Variants in RAB38 observed in about 807,000 individuals in gnomAD.
RAB38 encodes ras-related protein Rab-38.
Under a neutral mutation model 18.4 loss-of-function variants are expected in RAB38, and 15 were observed. The ratio of observed to expected loss-of-function variants is 0.82; its 90% CI spans 0.55 to 1.26. The LOEUF is 1.26. Among genes scored for constraint, RAB38 ranks in the 50% most tolerant of loss-of-function variants. RAB38 has a pLI of 0.00. For missense variants in RAB38, 294 were observed against 267.4 expected (o/e 1.10, Z -0.69); for synonymous variants, 101 against 104.4 (o/e 0.97, Z 0.20).
chr11:88,130,498 G>C (rs1026949622), intron 2 of RAB38, among the ~76,000 whole-genome samples: 1 of 152,214 alleles, frequency 6.6e-6, no homozygotes, highest in African/African-American at 2.4e-5. Flanking sequence ...TTAGCAGACT[G>C]TGGACACAGA....
chr11:87,950,011 A>C, the RAB38 span, among the ~76,000 whole-genome samples: 1 of 152,026 alleles, frequency 6.6e-6, no homozygotes, highest in Non-Finnish European at 1.5e-5. Context: ...CCCATTATTA[A>C]TGTGTGGGAG....
the RAB38 span, among the ~76,000 whole-genome samples, chr11:87,895,192 G>A: frequency 1.3e-5 from 2 of 150,386 alleles, no homozygotes; most frequent in African/African-American, 4.9e-5. Flanking sequence ...TGGCTGATGA[G>A]GGTGTTTGCT....
chr11:88,162,616 A>T (rs1238467850), intron 1 of RAB38, among the ~76,000 whole-genome samples: 1 of 151,912 alleles, frequency 6.6e-6, no homozygotes, highest in Non-Finnish European at 1.5e-5. Flanking sequence ...AACAAAAAAA[A>T]ATTTAATCCC....
chr11:87,945,026 G>A, the RAB38 span, among the ~76,000 whole-genome samples: 11 of 152,110 alleles, frequency 7.2e-5, no homozygotes, highest in African/African-American at 1.9e-4. Flanking sequence ...CTCTGAACTA[G>A]CTAGACAAAT....
chr11:87,889,362 A>G, the RAB38 span, among the ~76,000 whole-genome samples: 1 of 151,880 alleles, frequency 6.6e-6, no homozygotes, highest in African/African-American at 2.4e-5. Flanking sequence ...TGTGCCCAGG[A>G]TGGGGCCTAG....
chr11:87,836,402 A>G, the RAB38 span, among the ~76,000 whole-genome samples: 1 of 151,900 alleles, frequency 6.6e-6, no homozygotes, highest in South Asian at 2.1e-4. Flanking sequence ...TTTTTTTAAT[A>G]ATTTCTGATT....
the RAB38 span, among the ~76,000 whole-genome samples, chr11:87,849,978 CT>C: frequency 6.6e-5 from 10 of 151,990 alleles, no homozygotes; most frequent in African/African-American, 9.7e-5. Context: ...TAGCAAGCAG[CT>C]TTTAAATGGC....
intron 2 of RAB38, among the ~76,000 whole-genome samples, chr11:88,116,287 G>A (rs1395001222): frequency 1.3e-5 from 2 of 152,078 alleles, no homozygotes; most frequent in Admixed American, 6.6e-5. Context: ...GGGTCTCCTC[G>A]CCCAGACTTC....
At chr11:87,911,253 C>T in the RAB38 span, among the ~76,000 whole-genome samples, 19 of 152,028 alleles carry the variant, frequency 1.2e-4, no homozygotes, top group Non-Finnish European at 2.5e-4. Flanking sequence ...GTTGTTTTGA[C>T]TCTTCTAGGC....
chr11:87,865,385 CAT>C, the RAB38 span, among the ~76,000 whole-genome samples: 1 of 151,518 alleles, frequency 6.6e-6, no homozygotes, highest in Non-Finnish European at 1.5e-5. Flanking sequence ...AAACAAAGGT[CAT>C]AGAGGAGAGA....
chr11:88,132,863 T>A (rs1452878800), intron 2 of RAB38, among the ~76,000 whole-genome samples: 1 of 152,200 alleles, frequency 6.6e-6, no homozygotes, highest in Admixed American at 6.5e-5. Context: ...AATAAAATTA[T>A]ACATGTGAGT....
the RAB38 span, among the ~76,000 whole-genome samples, chr11:87,950,195 G>T: frequency 6.6e-6 from 1 of 152,116 alleles, no homozygotes; most frequent in Non-Finnish European, 1.5e-5. Context: ...TTTTATCAGA[G>T]ACTAGGATTG....
At chr11:87,951,502 GTT>G in the RAB38 span, among the ~76,000 whole-genome samples, 1 of 149,032 alleles carries the variant, frequency 6.7e-6, no homozygotes, top group South Asian at 2.1e-4. Context: ...TTTCTGCTCT[GTT>G]TTTTTTTTCC....
At chr11:87,972,185 A>G in the RAB38 span, among the ~76,000 whole-genome samples, 1 of 152,090 alleles carries the variant, frequency 6.6e-6, no homozygotes, top group Non-Finnish European at 1.5e-5. Flanking sequence ...GAAAATATTT[A>G]TAAGGTGCCC....
the RAB38 span, among the ~76,000 whole-genome samples, chr11:87,814,152 G>C: frequency 6.6e-6 from 1 of 152,148 alleles, no homozygotes; most frequent in Admixed American, 6.5e-5. Flanking sequence ...GAGCAAGGAG[G>C]GTAGTACTCC....
chr11:88,004,394 C>G, the RAB38 span, among the ~76,000 whole-genome samples: 2 of 151,134 alleles, frequency 1.3e-5, no homozygotes, highest in Admixed American at 6.6e-5. Context: ...AGGATCACCA[C>G]ACACAAAAAA....
the RAB38 span, among the ~76,000 whole-genome samples, chr11:87,924,088 C>T: frequency 2.0e-5 from 3 of 151,816 alleles, no homozygotes; most frequent in Non-Finnish European, 4.4e-5. Context: ...GTTCTAAGTT[C>T]TTTGCTAAAG....
At chr11:88,102,393 CT>C in the RAB38 span, among the ~76,000 whole-genome samples, 2 of 152,016 alleles carry the variant, frequency 1.3e-5, no homozygotes, top group African/African-American at 4.8e-5. Flanking sequence ...CAGATGACTG[CT>C]CTAGCTCTCA....
At chr11:88,153,447 T>A (rs1943087382) in intron 1 of RAB38, among the ~76,000 whole-genome samples, 1 of 152,160 alleles carries the variant, frequency 6.6e-6, no homozygotes. Context: ...CAACTAACAC[T>A]TCTACTTCAG....
Sources: allele counts gnomAD v4.1 joint callset (sites outside exome capture counted in the v4.1 genomes callset), GRCh38; gene constraint gnomAD v4.1.1; transcripts MANE v1.5; gene names NCBI Gene and HGNC (gene_info 2026-07-23, HGNC 2026-07-21).